HYDIN: variants seen among roughly 807,000 people sequenced by gnomAD.
HYDIN encodes axonemal central pair apparatus protein HYDIN.
A neutral mutation model predicts 403.9 loss-of-function variants in HYDIN; 132 were observed. The ratio of observed to expected loss-of-function variants is 0.33; its 90% CI spans 0.28 to 0.38. The LOEUF (loss-of-function observed/expected upper bound fraction) is 0.38, where lower values mean the gene tolerates loss of function less well. HYDIN is among the 10% of genes least tolerant of loss of function. The probability of loss-of-function intolerance (pLI) is 1.00; values close to 1 mark genes in which losing one functional copy is unlikely to be tolerated. For missense variants in HYDIN, 2,827 were observed against 5,009.5 expected (o/e 0.56, Z 13.15); for synonymous variants, 1,202 against 1,891.7 (o/e 0.64, Z 9.46).
At chr16:71,071,643 A>T (rs1198146930) in intron 13 of HYDIN, among the ~76,000 whole-genome samples, 1 of 151,838 alleles carries the variant, frequency 6.6e-6, no homozygotes, top group African/African-American at 2.4e-5. Context: ...CTCCTTCAAG[A>T]TGCTTATTTT....
chr16:71,180,798 A>G (rs1215861909), intron 3 of HYDIN, among the ~76,000 whole-genome samples: 1 of 152,134 alleles, frequency 6.6e-6, no homozygotes, highest in African/African-American at 2.4e-5. Flanking sequence ...GCTTATTTCA[A>G]AAATTCAAAA....
intron 1 of HYDIN, among the ~76,000 whole-genome samples, chr16:71,209,644 C>G (rs1416822430): frequency 2.0e-5 from 3 of 152,180 alleles, no homozygotes; most frequent in Admixed American, 2.0e-4. Flanking sequence ...ACCCCACGGT[C>G]TCTGCCCCAA....
Position 71,031,858 on chromosome 16 carries a change from A to G in HYDIN, c.2589T>C (p.Thr863=). 8.5e-7 allele frequency: 1 copy of G among 1,171,184 alleles called. No individual in the cohort carries two copies. The highest frequency in any genetic ancestry group is 2.3e-5 in the East Asian group (1 of 42,834). 72.5% of individuals were successfully genotyped at this position (1,171,184 alleles called of 1,614,324 possible). A position where few individuals can be genotyped will look rare whatever the true frequency, so the allele number is the denominator to read the frequency against. The part of the protein sequence containing the change: ...EPNEGMVPPE[T]DVQLALTANL... ...TGGCGGTCAGTGCCAGTTGAACATC[A>G]GTTTCTGGAGGAACCATGCCTTCAT... The change falls in exon 19 of 86, where the codon ACT becomes ACC. Residue 863 remains threonine, a synonymous_variant. Transcript: ENST00000393567.
intron 62 of HYDIN, 104 bp from the exon 63 acceptor site, chr16:70,875,023 G>C (rs2143664500): frequency 1.8e-6 from 2 of 1,139,898 alleles, no homozygotes. Flanking sequence ...ACCCCAAAAA[G>C]GTATTATGCC....
rs574710847 is a variant in HYDIN at position 70,837,092 on chromosome 16, A to C, written c.13242+598T>G. Among the ~76,000 whole-genome samples, 3 of 152,346 alleles carry C rather than the reference A, an allele frequency of 2.0e-5. No individual in the cohort carries two copies. The South Asian group carries it at 6.2e-4, about 32-fold the overall frequency. On this transcript the variant is annotated intron_variant, in intron 77 of 85. Transcript: ENST00000393567. ...TAAAATACAGATAATCCCACCAGAC[A>C]AGCACCTTACACATTTACTAGACAC... is the stretch of plus-strand genomic sequence containing the variant.
At chr16:70,927,162 C>A (rs1233142714) in intron 45 of HYDIN, among the ~76,000 whole-genome samples, 9 of 146,866 alleles carry the variant, frequency 6.1e-5, no homozygotes, top group African/African-American at 2.0e-4. Context: ...AAGAAAACCA[C>A]ACCTAGGCAA....
intron 75 of HYDIN, among the ~76,000 whole-genome samples, chr16:70,845,718 C>T (rs1357334889): frequency 7.3e-6 from 1 of 137,726 alleles, no homozygotes; most frequent in Admixed American, 7.0e-5. Flanking sequence ...ACAATTTCAG[C>T]TCCTGTTATT....
intron 50 of HYDIN, among the ~76,000 whole-genome samples, chr16:70,904,418 A>T (rs2076471368): frequency 7.6e-6 from 1 of 131,032 alleles, no homozygotes. Flanking sequence ...AATCCTGAGA[A>T]ATATGTAGAT....
chr16:70,854,230 T>C (rs1199768434), intron 73 of HYDIN, among the ~76,000 whole-genome samples: 1 of 151,882 alleles, frequency 6.6e-6, no homozygotes, highest in Non-Finnish European at 1.5e-5. Context: ...TTACTTCAAA[T>C]TTTTAAATTT....
At chr16:70,901,873 T>C (rs577189504) in intron 52 of HYDIN, among the ~76,000 whole-genome samples, 1 of 152,046 alleles carries the variant, frequency 6.6e-6, no homozygotes, top group South Asian at 2.1e-4. Context: ...CGTGAGCCAC[T>C]GCACCCGGCC....
intron 36 of HYDIN, among the ~76,000 whole-genome samples, chr16:70,968,602 C>T (rs545445495): frequency 8.5e-5 from 13 of 152,222 alleles, no homozygotes; most frequent in Admixed American, 3.3e-4. Context: ...AAGGAGGGAA[C>T]CTAGACTATT....
At position 71,093,806 on chromosome 16, in the gene HYDIN, C is replaced by G. The variant is rs749190014; in HGVS notation, c.1446+11G>C. On this transcript the variant is annotated intron_variant, in intron 11 of 85. Coordinates refer to ENST00000393567, the MANE Select transcript of HYDIN (RefSeq NM_001270974.2). ...CTGTTTGAAGTATCAACGAACAACT[C>G]TAGTGCTTACCTCATAACAATGTGC... 1 of 1,611,716 alleles carries G rather than the reference C, an allele frequency of 6.2e-7. No individual in the cohort carries two copies. Among genetic ancestry groups the G allele is most frequent in the South Asian group, 1.1e-5 (1 of 90,506 alleles).
intron 13 of HYDIN, among the ~76,000 whole-genome samples, chr16:71,072,947 TA>T (rs1430515633): frequency 6.6e-6 from 1 of 151,670 alleles, no homozygotes; most frequent in Non-Finnish European, 1.5e-5. Flanking sequence ...ACCTTGCAGT[TA>T]AATTATGAGG....
intron 12 of HYDIN, among the ~76,000 whole-genome samples, chr16:71,085,585 T>G (rs1215849387): frequency 6.6e-6 from 1 of 152,178 alleles, no homozygotes; most frequent in African/African-American, 2.4e-5. Flanking sequence ...TGCTGAATTG[T>G]GTATTTCTCC....
At chr16:71,087,432 G>A (rs1280759556) in intron 12 of HYDIN, among the ~76,000 whole-genome samples, 1 of 140,718 alleles carries the variant, frequency 7.1e-6, no homozygotes, top group African/African-American at 2.7e-5. Context: ...CAATCATATT[G>A]GATTAAAGCC....
intron 18 of HYDIN, among the ~76,000 whole-genome samples, chr16:71,059,817 C>T (rs6499421): frequency 1.3e-4 from 20 of 152,292 alleles, no homozygotes; most frequent in South Asian, 4.2e-4. Context: ...AATTTTCAAC[C>T]GCATGGGGGT....
intron 73 of HYDIN, among the ~76,000 whole-genome samples, chr16:70,854,169 C>T (rs1253515609): frequency 2.6e-5 from 4 of 152,114 alleles, no homozygotes; most frequent in African/African-American, 9.7e-5. Context: ...TGTAAGCCAC[C>T]ACGCCCAGCA....
chr16:70,808,419 C>T (rs1195196411), intron 85 of HYDIN, among the ~76,000 whole-genome samples: 1 of 152,042 alleles, frequency 6.6e-6, no homozygotes, highest in African/African-American at 2.4e-5. Flanking sequence ...GGTGCTAGTT[C>T]CAGACAACTA....
intron 70 of HYDIN, 59 bp from the exon 71 acceptor site, chr16:70,860,265 G>T: frequency 1.3e-6 from 2 of 1,576,928 alleles, no homozygotes; most frequent in South Asian, 1.2e-5. Context: ...AGGATTAAGA[G>T]AAATTTCTTA....
Sources: gnomAD v4.1 joint callset for allele counts (sites outside exome capture counted in the v4.1 genomes callset) on GRCh38, gnomAD v4.1.1 for gene constraint, MANE v1.5 for transcripts, NCBI Gene and HGNC (gene_info 2026-07-23, HGNC 2026-07-21) for gene names.